CSMD1: variants seen among roughly 807,000 people sequenced by gnomAD.
CSMD1 encodes CUB and sushi domain-containing protein 1.
A neutral mutation model predicts 417.5 loss-of-function variants in CSMD1; 213 were observed. The ratio of observed to expected loss-of-function variants is 0.51; its 90% CI spans 0.46 to 0.57. The LOEUF is 0.57. CSMD1 is among the 20% of genes least tolerant of loss of function. The probability of loss-of-function intolerance (pLI) is 0.00; values close to 1 mark genes in which losing one functional copy is unlikely to be tolerated. For synonymous variants in CSMD1, 2,862 were observed against 1,736.8 expected (o/e 1.65, Z -16.11); for missense variants, 6,923 against 4,529.7 (o/e 1.53, Z -15.17).
intron 2 of CSMD1, among the ~76,000 whole-genome samples, chr8:4,519,940 T>C (rs949267445): frequency 5.3e-5 from 8 of 149,816 alleles, no homozygotes; most frequent in African/African-American, 1.5e-4. Context: ...TGTGTGCGTG[T>C]GTGTGTGTGT....
chr8:3,638,128 C>T (rs13254692), intron 7 of CSMD1, among the ~76,000 whole-genome samples: 2 of 152,148 alleles, frequency 1.3e-5, no homozygotes, highest in African/African-American at 2.4e-5. Context: ...CAGGTTGAGT[C>T]TTAAACGTAA....
At chr8:3,803,918 G>C (rs1585023563) in intron 5 of CSMD1, among the ~76,000 whole-genome samples, 2 of 152,044 alleles carry the variant, frequency 1.3e-5, no homozygotes, top group East Asian at 1.9e-4. Flanking sequence ...AAGGTTAAGA[G>C]ACAAAGTTTC....
chr8:3,662,984 A>T (rs1474506782), intron 7 of CSMD1, among the ~76,000 whole-genome samples: 2 of 152,126 alleles, frequency 1.3e-5, no homozygotes, highest in African/African-American at 4.8e-5. Context: ...CTGCACAAGT[A>T]TCCCAGAACT....
intron 26 of CSMD1, among the ~76,000 whole-genome samples, chr8:3,237,157 A>G (rs1428812994): frequency 6.6e-6 from 1 of 151,574 alleles, no homozygotes; most frequent in East Asian, 1.9e-4. Context: ...TAGATAAGAG[A>G]GATATATATA....
rs1798631197 is a variant in CSMD1, at chr8:3,772,356, T to TAGACATAC, written c.819-18315_819-18314insGTATGTCT. ...TTAGACATACATATATACATATATT[T>TAGACATAC]ATATATACATATATACATATATTCA... On this transcript the variant is annotated intron_variant, in intron 5 of 69. Coordinates refer to ENST00000635120, the MANE Select transcript of CSMD1 (RefSeq NM_033225.6). Among the ~76,000 whole-genome samples the TAGACATAC allele has an allele frequency of 1.0e-4, 9 of 87,208 alleles. 2 individuals are homozygous for TAGACATAC. Among genetic ancestry groups the TAGACATAC allele is most frequent in the African/African-American group, 1.9e-4 (5 of 25,878 alleles). 57.2% of individuals were successfully genotyped at this position (87,208 alleles called of 152,430 possible).
At position 3,904,312 on chromosome 8, in the gene CSMD1, C is replaced by G. The variant is rs187296445; in HGVS notation, c.818+93591G>C. Among the ~76,000 whole-genome samples the G allele has an allele frequency of 5.3e-5, 8 of 152,164 alleles. No individual in the cohort carries two copies. The East Asian group carries it at 1.5e-3, about 29-fold the overall frequency. On this transcript the variant is annotated intron_variant, in intron 5 of 69. Coordinates refer to ENST00000635120, the MANE Select transcript of CSMD1 (RefSeq NM_033225.6). ...TGGAGGACACCCCTTTCTTTCATCC[C>G]AACATCATCAAGCCCAGTCCTACAA...
chr8:4,357,483 C>T (rs1026226659), intron 3 of CSMD1, among the ~76,000 whole-genome samples: 1 of 152,140 alleles, frequency 6.6e-6, no homozygotes, highest in East Asian at 1.9e-4. Flanking sequence ...CCCTCACCAA[C>T]ATGGCATTAC....
rs1019126901 is a variant in CSMD1, at chr8:4,491,008, G to A, written c.303-70943C>T. Among the ~76,000 whole-genome samples, 4 of 152,148 alleles carry A rather than the reference G, an allele frequency of 2.6e-5. No homozygotes were observed. The South Asian group carries it at 8.3e-4, about 32-fold the overall frequency. ...GTTCACAGGCTCACAGTGTATTGAG[G>A]CTAGGGACATGTAGGCAGCTCCTAT... On this transcript the variant is annotated intron_variant, in intron 2 of 69. Transcript: ENST00000635120.
intron 2 of CSMD1, among the ~76,000 whole-genome samples, chr8:4,591,262 A>ATTTCAC (rs1799968841): frequency 6.6e-6 from 1 of 152,364 alleles, no homozygotes; most frequent in Non-Finnish European, 1.5e-5. Context: ...ACCAGGAGGA[A>ATTTCAC]GAGCCAAATG....
At chr8:3,925,381 T>C in intron 5 of CSMD1, among the ~76,000 whole-genome samples, 1 of 152,322 alleles carries the variant, frequency 6.6e-6, no homozygotes. Context: ...CAATTTAATA[T>C]TAAGTGTACT....
At chr8:4,193,882 C>A (rs1482923363) in intron 3 of CSMD1, among the ~76,000 whole-genome samples, 1 of 151,912 alleles carries the variant, frequency 6.6e-6, no homozygotes, top group African/African-American at 2.4e-5. Context: ...CTCAGCAGAA[C>A]TGGCCACCTC....
chr8:3,478,632 C>T (rs989239457), intron 11 of CSMD1, among the ~76,000 whole-genome samples: 1 of 152,108 alleles, frequency 6.6e-6, no homozygotes, highest in Non-Finnish European at 1.5e-5. Flanking sequence ...CACCCCTGAA[C>T]AGGCAACAGA....
At chr8:4,400,169 T>C (rs1804552065) in intron 3 of CSMD1, among the ~76,000 whole-genome samples, 1 of 152,170 alleles carries the variant, frequency 6.6e-6, no homozygotes, top group Non-Finnish European at 1.5e-5. Flanking sequence ...AGGGAAGTAA[T>C]TACTGATTAA....
intron 11 of CSMD1, among the ~76,000 whole-genome samples, chr8:3,469,582 T>A (rs78846428): frequency 0.018 from 2,766 of 152,274 alleles, 101 homozygotes; most frequent in African/African-American, 0.062. Context: ...CAGAAAAGCA[T>A]GTTGAAATAG....
At chr8:3,927,147 A>G (rs2129147396) in intron 5 of CSMD1, among the ~76,000 whole-genome samples, 1 of 151,868 alleles carries the variant, frequency 6.6e-6, no homozygotes. Context: ...AATAAAAGAT[A>G]GGGTTGTCAT....
At chr8:4,510,974 C>G (rs1802790421) in intron 2 of CSMD1, among the ~76,000 whole-genome samples, 1 of 151,124 alleles carries the variant, frequency 6.6e-6, no homozygotes, top group African/African-American at 2.4e-5. Flanking sequence ...AGAGAATATA[C>G]TTGACAATCT....
intron 3 of CSMD1, among the ~76,000 whole-genome samples, chr8:4,145,642 G>A (rs1338211795): frequency 6.6e-6 from 1 of 150,788 alleles, no homozygotes; most frequent in Non-Finnish European, 1.5e-5. Flanking sequence ...TGCCCACTTG[G>A]CCTCTCAAAG....
In CSMD1 at chr8:3,096,858, C is replaced by G. The variant is rs1350711907; in HGVS notation, c.7129G>C (p.Val2377Leu). ...GATTAAAGAAACTTACCATCAAACA[C>G]TTCCAGTGCATCAAACTGCTTTTCA... is the stretch of plus-strand genomic sequence containing the variant. ...QSEKQFDALE[V>L]FDGSSGQSPL... The change falls in exon 47 of 70, where the codon GTG becomes CTG. Residue 2377 changes from valine (V) to leucine (L), a missense_variant. Val to Leu is a conservative substitution (Grantham distance 32). Coordinates refer to ENST00000635120, the MANE Select transcript of CSMD1 (RefSeq NM_033225.6). 1.3e-6 allele frequency: 2 copies of G among 1,551,694 alleles called. No homozygotes were observed. The highest frequency in any genetic ancestry group is 8.7e-7 in the Non-Finnish European group (1 of 1,146,418).
intron 1 of CSMD1, among the ~76,000 whole-genome samples, chr8:4,934,292 T>C (rs36112965): frequency 0.31 from 47,079 of 152,216 alleles, 8,251 homozygotes; most frequent in Non-Finnish European, 0.4. Context: ...CCATCCAACA[T>C]ACAGTTGTCC....
Sources: gnomAD v4.1 joint callset for allele counts (sites outside exome capture counted in the v4.1 genomes callset) on GRCh38, gnomAD v4.1.1 for gene constraint, MANE v1.5 for transcripts, NCBI Gene and HGNC (gene_info 2026-07-23, HGNC 2026-07-21) for gene names.